Variants in ZFAND3 observed in about 807,000 individuals in gnomAD.
ZFAND3 encodes zinc finger AN1-type containing 3.
Under a neutral mutation model 29.6 loss-of-function variants are expected in ZFAND3, and 10 were observed. The ratio of observed to expected loss-of-function variants is 0.34; its 90% CI spans 0.21 to 0.57. ZFAND3 has a LOEUF of 0.57. Ranked by LOEUF, ZFAND3 falls within the 20% of genes least tolerant of loss-of-function variation. The pLI is 0.86. For missense variants in ZFAND3, 230 were observed against 304.5 expected (o/e 0.76, Z 1.82); for synonymous variants, 128 against 112.6 (o/e 1.14, Z -0.87).
At chr6:37,919,346 T>C (rs1761329771) in intron 1 of ZFAND3, among the ~76,000 whole-genome samples, 1 of 152,242 alleles carries the variant, frequency 6.6e-6, no homozygotes, top group Non-Finnish European at 1.5e-5. Flanking sequence ...GTAATTTGTA[T>C]ATGCTCGTAA....
intron 2 of ZFAND3, among the ~76,000 whole-genome samples, chr6:37,968,080 T>A (rs540909178): frequency 5.8e-4 from 89 of 152,270 alleles, no homozygotes; most frequent in African/African-American, 1.9e-3. Context: ...AAAATAACAT[T>A]TCCTGGGATC....
intron 2 of ZFAND3, among the ~76,000 whole-genome samples, chr6:37,972,198 T>G (rs1022710487): frequency 6.6e-6 from 1 of 152,198 alleles, no homozygotes; most frequent in South Asian, 2.1e-4. Flanking sequence ...CTCAGCACAT[T>G]ACCCATTTTG....
chr6:37,937,993 C>G (rs1021356105), intron 2 of ZFAND3, among the ~76,000 whole-genome samples: 3 of 152,140 alleles, frequency 2.0e-5, no homozygotes, highest in African/African-American at 7.2e-5. Flanking sequence ...TTTTTCTTAT[C>G]ACACTAAAAA....
At chr6:37,853,116 C>T (rs930460754) in intron 1 of ZFAND3, among the ~76,000 whole-genome samples, 1 of 152,090 alleles carries the variant, frequency 6.6e-6, no homozygotes, top group Non-Finnish European at 1.5e-5. Context: ...TGGTCGGATG[C>T]TCCATGTTAG....
chr6:38,133,020 G>A (rs1480479586), intron 5 of ZFAND3, among the ~76,000 whole-genome samples: 1 of 152,200 alleles, frequency 6.6e-6, no homozygotes, highest in African/African-American at 2.4e-5. Flanking sequence ...GAAGGACAGG[G>A]TCAGAAACAG....
intron 2 of ZFAND3, among the ~76,000 whole-genome samples, chr6:38,014,970 G>A (rs1362591986): frequency 1.3e-5 from 2 of 152,286 alleles, no homozygotes; most frequent in East Asian, 1.9e-4. Context: ...TGGAAGATAC[G>A]TTAGATCGTT....
Position 38,154,150 on chromosome 6 carries a change from T to A in ZFAND3, c.*1761T>A. The A allele has an allele frequency of 1.1e-5, 11 of 985,564 alleles. No individual in the cohort carries two copies. Among genetic ancestry groups the A allele is most frequent in the Non-Finnish European group, 1.3e-5 (11 of 830,034 alleles). The allele number at this position is 985,564 out of a possible 1,614,324, so 61.1% of individuals were successfully genotyped here. On this transcript the variant is annotated 3_prime_UTR_variant, in exon 6 of 6. Transcript: ENST00000287218. ...GTCTGCCCAGCGTTTACCACTGCTG[T>A]CAAGCCACAGCCCTTGGCCACCATA...
At chr6:38,075,405 A>G (rs1196902302) in intron 3 of ZFAND3, among the ~76,000 whole-genome samples, 1 of 152,222 alleles carries the variant, frequency 6.6e-6, no homozygotes, top group Non-Finnish European at 1.5e-5. Flanking sequence ...ATAATTGCAG[A>G]TGTGGTGGAA....
intron 2 of ZFAND3, among the ~76,000 whole-genome samples, chr6:38,039,963 T>C (rs1210138031): frequency 1.3e-5 from 2 of 152,180 alleles, no homozygotes; most frequent in African/African-American, 4.8e-5. Flanking sequence ...AATATTATTC[T>C]TCCTCATTCT....
At chr6:38,031,389 G>A (rs2127451829) in intron 2 of ZFAND3, among the ~76,000 whole-genome samples, 1 of 152,212 alleles carries the variant, frequency 6.6e-6, no homozygotes, top group Non-Finnish European at 1.5e-5. Context: ...TATGTTTTAT[G>A]CCTTAAACTT....
At chr6:38,013,288 T>C (rs1348161405) in intron 2 of ZFAND3, among the ~76,000 whole-genome samples, 2 of 152,212 alleles carry the variant, frequency 1.3e-5, no homozygotes, top group Admixed American at 1.3e-4. Context: ...TTTACCAGAG[T>C]GTCCTTTGAT....
At chr6:38,122,317 A>G (rs1382905846) in intron 5 of ZFAND3, among the ~76,000 whole-genome samples, 1 of 152,234 alleles carries the variant, frequency 6.6e-6, no homozygotes. Context: ...AATGCTATGT[A>G]AATTGTTACA....
intron 1 of ZFAND3, among the ~76,000 whole-genome samples, chr6:37,823,265 G>A (rs1046954897): frequency 2.6e-5 from 4 of 152,160 alleles, no homozygotes; most frequent in African/African-American, 4.8e-5. Flanking sequence ...GGTATCTTTT[G>A]CCTTTTCCCT....
intron 1 of ZFAND3, among the ~76,000 whole-genome samples, chr6:37,929,300 T>TA (rs1761548299): frequency 6.6e-6 from 1 of 152,184 alleles, no homozygotes; most frequent in Admixed American, 6.5e-5. Context: ...ATACCCATCT[T>TA]AGTGATGTTG....
At chr6:37,826,435 A>G (rs576597702) in intron 1 of ZFAND3, among the ~76,000 whole-genome samples, 1 of 152,280 alleles carries the variant, frequency 6.6e-6, no homozygotes, top group South Asian at 2.1e-4. Context: ...TGTCATATGC[A>G]GAAAAGGAGG....
At chr6:37,947,373 T>G (rs147249568) in intron 2 of ZFAND3, among the ~76,000 whole-genome samples, 2 of 152,328 alleles carry the variant, frequency 1.3e-5, no homozygotes, top group Admixed American at 1.3e-4. Context: ...TTTATATGAT[T>G]AAATTAAAAA....
chr6:37,897,634 A>G (rs6911716), intron 1 of ZFAND3, among the ~76,000 whole-genome samples: 32,722 of 152,114 alleles, frequency 0.22, 4,350 homozygotes, highest in African/African-American at 0.37. Flanking sequence ...TCAGTGTTCC[A>G]CACCTTTGCC....
chr6:38,151,973 C>T (rs1480980241), intron 5 of ZFAND3, among the ~76,000 whole-genome samples: 3 of 152,146 alleles, frequency 2.0e-5, no homozygotes, highest in African/African-American at 7.2e-5. Context: ...GGCTGTGTCT[C>T]GCAGCCATCA....
intron 2 of ZFAND3, among the ~76,000 whole-genome samples, chr6:37,984,021 A>G (rs1388089652): frequency 1.3e-5 from 2 of 152,222 alleles, no homozygotes; most frequent in African/African-American, 4.8e-5. Flanking sequence ...AGGTGATTCC[A>G]TCATTTTTCT....
Sources: allele counts gnomAD v4.1 joint callset (sites outside exome capture counted in the v4.1 genomes callset), GRCh38; gene constraint gnomAD v4.1.1; transcripts MANE v1.5; gene names NCBI Gene and HGNC (gene_info 2026-07-23, HGNC 2026-07-21).